Variants in LANCL3 observed in about 807,000 individuals in gnomAD.
The protein encoded by LANCL3 is LanC like family member 3.
In LANCL3, 19 loss-of-function variants were observed where a neutral mutation model predicts 26.5. The ratio of observed to expected loss-of-function variants is 0.72; its 90% confidence interval spans 0.50 to 1.05. The LOEUF is 1.05. Among genes scored for constraint, LANCL3 ranks in the 50% least tolerant of loss-of-function variants. The probability of loss-of-function intolerance (pLI) is 0.00; values close to 1 mark genes in which losing one functional copy is unlikely to be tolerated. For missense variants in LANCL3, 318 were observed against 362.7 expected, an observed-to-expected ratio of 0.88 and a Z score of 1.00; for synonymous variants, 160 against 166.6, an observed-to-expected ratio of 0.96 and a Z score of 0.30.
At position 37,678,997 on chromosome X, in the gene LANCL3, A is replaced by G. The variant is rs1465610448; in HGVS notation, c.*3184A>G. ...TGTGATTTCTAGCCATGTTAAATGA[A>G]CACACAATTAAAAGGAAAACCATTA... On this transcript the variant is annotated 3_prime_UTR_variant, in exon 5 of 5. Coordinates refer to ENST00000378619, the MANE Select transcript of LANCL3 (RefSeq NM_001170331.2). 3 of 111,900 alleles carry G rather than the reference A, an allele frequency of 2.7e-5. No homozygotes were observed. Among genetic ancestry groups the G allele is most frequent in the Non-Finnish European group, 3.8e-5 (2 of 53,126 alleles). 9.2% of individuals were successfully genotyped at this position (111,900 alleles called of 1,213,427 possible).
intron 3 of LANCL3, among the ~76,000 whole-genome samples, chrX:37,661,865 C>T (rs1199262577): frequency 3.6e-5 from 4 of 112,151 alleles, no homozygotes. Context: ...TACTGGTGCT[C>T]CTTCAACCCA....
chrX:37,583,431 G>A (rs1199176813), intron 1 of LANCL3, among the ~76,000 whole-genome samples: 6 of 111,826 alleles, frequency 5.4e-5, no homozygotes, highest in Non-Finnish European at 1.1e-4. Flanking sequence ...TCACGATATT[G>A]ATTCTTCCTA....
rs1556415501 is a variant in LANCL3, at chrX:37,571,929, C to A, written c.59C>A (p.Ala20Glu). Residue 20 changes from alanine (A) to glutamate (E), a missense_variant, in exon 1 of 5, where the codon GCG (alanine) becomes GAG (glutamate). By Grantham distance (107) the Ala-to-Glu change is moderately radical (BLOSUM62 -1). Transcript: ENST00000378619. ...GATGACTACCAGGGCAGCCTGCTGGCGGGCCAGTGTGAGGAGGCGGTGGCG... is the reference window on the plus strand; with the variant it reads ...GATGACTACCAGGGCAGCCTGCTGGAGGGCCAGTGTGAGGAGGCGGTGGCG... ...RFDDYQGSLL[A>E]GQCEEAVAPL... is the part of the protein sequence containing the mutation. 12 of 1,206,903 alleles carry A rather than the reference C, an allele frequency of 9.9e-6. No individual in the cohort carries two copies. The highest frequency in any genetic ancestry group is 1.3e-5 in the Non-Finnish European group (12 of 893,917).
intron 1 of LANCL3, among the ~76,000 whole-genome samples, chrX:37,586,736 G>T (rs1427996080): frequency 1.8e-5 from 2 of 111,797 alleles, no homozygotes; most frequent in African/African-American, 6.5e-5. Flanking sequence ...TTTGCGATGG[G>T]TTCAAACTTC....
chrX:37,599,415 G>A (rs1321564288), intron 1 of LANCL3, among the ~76,000 whole-genome samples: 1 of 111,886 alleles, frequency 8.9e-6, no homozygotes, highest in Non-Finnish European at 1.9e-5. Context: ...CATAGATCTG[G>A]GGTAGGGTGG....
At position 37,681,806 on chromosome X, in the gene LANCL3, TTATC is replaced by T. The variant is rs1926162242; in HGVS notation, c.*5995_*5998del. On this transcript the variant is annotated 3_prime_UTR_variant, in exon 5 of 5. Transcript: ENST00000378619. Reference sequence around the variant, plus strand: ...CACTCCTTTTGGGGCCCATTTCTATTTATCTTTGTATTCAGAATCACCCGAGAGC... The same window carrying T: ...CACTCCTTTTGGGGCCCATTTCTATTTTTGTATTCAGAATCACCCGAGAGC... 8.9e-6 allele frequency: 1 copy of T among 111,736 alleles called. No homozygotes were observed. The highest frequency in any genetic ancestry group is 3.8e-4 in the South Asian group (1 of 2,654). The allele number at this position is 111,736 out of a possible 1,213,427, so 9.2% of individuals were successfully genotyped here.
chrX:37,661,750 A>G (rs1389702764), intron 3 of LANCL3, among the ~76,000 whole-genome samples: 1 of 112,177 alleles, frequency 8.9e-6, no homozygotes, highest in Non-Finnish European at 1.9e-5. Context: ...AACAGTGCAG[A>G]TGGTTTGAGG....
chrX:37,659,554 G>A lies in LANCL3; in HGVS notation c.790G>A (p.Val264Met), dbSNP rs201052827. The stretch of plus-strand genomic sequence containing the variant: ...AGATCGGGAATTGGTATGGCAGAGC[G>A]TGGACTTTCTCATGGAACAGGAACA... ...PSDRELVWQS[V>M]DFLMEQEQNC... The change falls in exon 3 of 5, where the codon GTG becomes ATG. Residue 264 changes from valine to methionine, a missense_variant. Val to Met is a conservative substitution (Grantham distance 21). Coordinates refer to ENST00000378619, the MANE Select transcript of LANCL3 (RefSeq NM_001170331.2). The A allele has an allele frequency of 4.2e-5, 51 of 1,207,145 alleles. No individual in the cohort carries two copies. Among genetic ancestry groups the A allele is most frequent in the Admixed American group, 1.1e-4 (5 of 45,559 alleles).
chrX:37,631,439 G>T (rs1556424295), intron 1 of LANCL3, among the ~76,000 whole-genome samples: 3 of 111,401 alleles, frequency 2.7e-5, no homozygotes, highest in Non-Finnish European at 1.9e-5. Context: ...GGTTTTTTGT[G>T]TCTCTATTTC....
chrX:37,623,526 TA>T (rs1925226859), intron 1 of LANCL3, among the ~76,000 whole-genome samples: 1 of 112,426 alleles, frequency 8.9e-6, no homozygotes, highest in Non-Finnish European at 1.9e-5. Context: ...ATCATTGTTT[TA>T]AAAAGTGATT....
intron 1 of LANCL3, among the ~76,000 whole-genome samples, chrX:37,584,262 T>C (rs1267512532): frequency 9.2e-6 from 1 of 109,167 alleles, no homozygotes; most frequent in Non-Finnish European, 1.9e-5. Flanking sequence ...TCATCAGGGA[T>C]ATTGGTCTAA....
intron 1 of LANCL3, among the ~76,000 whole-genome samples, chrX:37,636,466 C>G (rs1181456663): frequency 8.9e-6 from 1 of 112,308 alleles, no homozygotes; most frequent in Non-Finnish European, 1.9e-5. Flanking sequence ...TGCAACCTCA[C>G]CAGCATCTGT....
At chrX:37,640,504 G>A (rs1035632278) in intron 1 of LANCL3, among the ~76,000 whole-genome samples, 1 of 111,674 alleles carries the variant, frequency 9.0e-6, no homozygotes, top group African/African-American at 3.3e-5. Context: ...GAGCCAAACC[G>A]TATCAAATGT....
intron 1 of LANCL3, among the ~76,000 whole-genome samples, chrX:37,642,734 A>G (rs1308643417): frequency 5.4e-5 from 6 of 112,007 alleles, no homozygotes; most frequent in African/African-American, 1.9e-4. Context: ...AATGGGATTT[A>G]TATGTTTGGC....
intron 1 of LANCL3, among the ~76,000 whole-genome samples, chrX:37,649,123 T>C (rs782737981): frequency 3.6e-5 from 4 of 112,147 alleles, no homozygotes; most frequent in African/African-American, 1.3e-4. Context: ...CAAAGGAATA[T>C]AAATTATTCT....
intron 3 of LANCL3, among the ~76,000 whole-genome samples, chrX:37,662,166 C>A (rs149776736): frequency 1.6e-4 from 18 of 112,065 alleles, no homozygotes; most frequent in Non-Finnish European, 3.0e-4. Context: ...TTTTTAAATA[C>A]CTTGTGTGGC....
At chrX:37,606,282 A>G (rs1410141701) in intron 1 of LANCL3, among the ~76,000 whole-genome samples, 2 of 111,830 alleles carry the variant, frequency 1.8e-5, no homozygotes, top group African/African-American at 6.5e-5. Flanking sequence ...CCCAAAACAT[A>G]TCAAAATTCC....
rs1205237655 is a variant in LANCL3 at position 37,683,111 on chromosome X, G to C, written c.*7298G>C. On this transcript the variant is annotated 3_prime_UTR_variant, in exon 5 of 5. Transcript: ENST00000378619. ...TGGAATGTGTATTTCCCAGCGAATA[G>C]AATTTACTGCTCCAAAAAGCTTTTT... is the stretch of plus-strand genomic sequence containing the variant. 9.0e-6 allele frequency: 1 copy of C among 111,514 alleles called. No homozygotes were observed. The highest frequency in any genetic ancestry group is 1.9e-5 in the Non-Finnish European group (1 of 53,067). 9.2% of individuals were successfully genotyped at this position (111,514 alleles called of 1,213,427 possible).
intron 1 of LANCL3, among the ~76,000 whole-genome samples, chrX:37,644,802 T>C (rs1925947106): frequency 8.9e-6 from 1 of 112,555 alleles, no homozygotes; most frequent in South Asian, 3.7e-4. Flanking sequence ...TTCTCAACCT[T>C]GACACTCTTT....
Sources: gnomAD v4.1 joint callset for allele counts (sites outside exome capture counted in the v4.1 genomes callset) on GRCh38, gnomAD v4.1.1 for gene constraint, MANE v1.5 for transcripts, NCBI Gene and HGNC (gene_info 2026-07-23, HGNC 2026-07-21) for gene names.